STK3: variants seen among roughly 807,000 people sequenced by gnomAD.
STK3 encodes the protein serine/threonine-protein kinase 3.
STK3 carries 41 observed loss-of-function variants against 58.0 expected under a neutral mutation model. The observed-to-expected ratio is 0.71, with a 90% CI of 0.55 to 0.92. STK3 has a LOEUF of 0.92. Ranked by LOEUF, STK3 falls within the 40% of genes least tolerant of loss-of-function variation. STK3 has a pLI of 0.00. For missense variants in STK3, 479 were observed against 602.7 expected (o/e 0.79, Z 2.15); for synonymous variants, 170 against 191.0 (o/e 0.89, Z 0.91).
intron 6 of STK3, among the ~76,000 whole-genome samples, chr8:98,673,185 T>C (rs1285100542): frequency 6.6e-6 from 1 of 152,236 alleles, no homozygotes; most frequent in Non-Finnish European, 1.5e-5. Flanking sequence ...TTCAATTTTG[T>C]TCAGTCATAC....
chr8:98,642,887 T>C (rs1489383081), intron 6 of STK3, among the ~76,000 whole-genome samples: 1 of 152,222 alleles, frequency 6.6e-6, no homozygotes, highest in African/African-American at 2.4e-5. Flanking sequence ...AGTGTTCTTA[T>C]AAATCTTCAA....
intron 1 of STK3, among the ~76,000 whole-genome samples, chr8:98,795,812 A>ATACG (rs1564009537): frequency 7.7e-6 from 1 of 129,784 alleles, no homozygotes; most frequent in East Asian, 2.0e-4. Flanking sequence ...AATACAATAC[A>ATACG]ATACAATACA....
At chr8:98,707,810 A>C (rs1263726446) in intron 4 of STK3, among the ~76,000 whole-genome samples, 7 of 152,154 alleles carry the variant, frequency 4.6e-5, no homozygotes, top group African/African-American at 1.7e-4. Flanking sequence ...TACACATTTT[A>C]CTAATGAAAG....
chr8:98,923,852 TGTGCGCGCGCGCGCGCGCGC>T (rs1839672093), intron 1 of STK3, among the ~76,000 whole-genome samples: 1 of 128,308 alleles, frequency 7.8e-6, no homozygotes, highest in Admixed American at 8.7e-5. Flanking sequence ...TGTGTGTGTG[TGTGCGCGCGCGCGCGCGCGC>T]GCGCGTTGAC....
At chr8:98,632,135 C>G (rs918081345) in intron 6 of STK3, among the ~76,000 whole-genome samples, 2 of 152,140 alleles carry the variant, frequency 1.3e-5, no homozygotes, top group Non-Finnish European at 2.9e-5. Context: ...TACACTTGTA[C>G]TGCTCAAAAA....
intron 7 of STK3, among the ~76,000 whole-genome samples, chr8:98,591,840 C>A (rs549341619): frequency 6.6e-6 from 1 of 152,208 alleles, no homozygotes; most frequent in East Asian, 1.9e-4. Context: ...TTATACATTC[C>A]CCTGAGAAGA....
At chr8:98,521,148 T>C (rs1237753823) in intron 10 of STK3, among the ~76,000 whole-genome samples, 1 of 152,174 alleles carries the variant, frequency 6.6e-6, no homozygotes, top group Non-Finnish European at 1.5e-5. Flanking sequence ...GTGTAATAAA[T>C]GTTGAGAAAG....
chr8:98,929,936 C>T (rs1231265893), intron 1 of STK3, among the ~76,000 whole-genome samples: 1 of 152,134 alleles, frequency 6.6e-6, no homozygotes, highest in Non-Finnish European at 1.5e-5. Flanking sequence ...ATGTCTTTAC[C>T]GTAGGCCTTC....
chr8:98,629,856 A>G (rs915137411), intron 6 of STK3, among the ~76,000 whole-genome samples: 1 of 152,016 alleles, frequency 6.6e-6, no homozygotes. Flanking sequence ...TCAATCTAAA[A>G]CTACCTCCCA....
intron 4 of STK3, among the ~76,000 whole-genome samples, chr8:98,709,160 G>C (rs1185331606): frequency 6.6e-6 from 1 of 152,010 alleles, no homozygotes; most frequent in Non-Finnish European, 1.5e-5. Context: ...TAAGCAACGG[G>C]ATAATTTGAT....
At chr8:98,429,532 T>C (rs1818298672) in intron 3 of STK3, 2 of 705,032 alleles carry the variant, frequency 2.8e-6, no homozygotes, top group South Asian at 3.9e-5. Flanking sequence ...AGGGGAGAGA[T>C]GCATGGGATA....
chr8:98,898,754 A>G (rs1311709296), intron 1 of STK3, among the ~76,000 whole-genome samples: 1 of 152,194 alleles, frequency 6.6e-6, no homozygotes, highest in Non-Finnish European at 1.5e-5. Context: ...ACTTTTTGGG[A>G]TCCAGAGATC....
At chr8:98,659,357 T>G (rs959117812) in intron 6 of STK3, among the ~76,000 whole-genome samples, 1 of 152,042 alleles carries the variant, frequency 6.6e-6, no homozygotes, top group Non-Finnish European at 1.5e-5. Flanking sequence ...ACACCTTACA[T>G]ATACAAATGA....
chr8:98,602,436 A>G (rs1013684398), intron 6 of STK3, among the ~76,000 whole-genome samples: 7 of 152,164 alleles, frequency 4.6e-5, no homozygotes, highest in African/African-American at 1.7e-4. Context: ...TAGACACCAA[A>G]TCTGCTAGCA....
intron 10 of STK3, among the ~76,000 whole-genome samples, chr8:98,472,732 TA>T (rs1318162503): frequency 6.6e-6 from 1 of 152,102 alleles, no homozygotes; most frequent in East Asian, 1.9e-4. Context: ...ACATAACATT[TA>T]AAAAAAGATT....
intron 6 of STK3, among the ~76,000 whole-genome samples, chr8:98,658,194 G>A (rs1394974371): frequency 6.6e-6 from 1 of 151,972 alleles, no homozygotes; most frequent in East Asian, 1.9e-4. Context: ...AATAAGTTCA[G>A]CAAAATTATA....
chr8:98,466,945 C>T (rs2131200686), intron 10 of STK3, among the ~76,000 whole-genome samples: 1 of 152,268 alleles, frequency 6.6e-6, no homozygotes, highest in South Asian at 2.1e-4. Flanking sequence ...ACTCCAATGG[C>T]CCTTAGTTAT....
chr8:98,751,427 G>A (rs1473287518), intron 3 of STK3, among the ~76,000 whole-genome samples: 2 of 152,096 alleles, frequency 1.3e-5, no homozygotes, highest in African/African-American at 4.8e-5. Flanking sequence ...CAAAAGCAAT[G>A]TGCAAAAATC....
At chr8:98,678,168 T>C (rs1438416061) in intron 6 of STK3, among the ~76,000 whole-genome samples, 1 of 152,170 alleles carries the variant, frequency 6.6e-6, no homozygotes. Flanking sequence ...TGGTTAAGAC[T>C]GCTTACTGAT....
Sources: gnomAD v4.1 joint callset for allele counts (sites outside exome capture counted in the v4.1 genomes callset) on GRCh38, gnomAD v4.1.1 for gene constraint, MANE v1.5 for transcripts, NCBI Gene and HGNC (gene_info 2026-07-23, HGNC 2026-07-21) for gene names.